Variants in INTS11 observed in about 807,000 individuals in gnomAD.
The protein encoded by INTS11 is CPSF3-like protein.
Under a neutral mutation model 78.6 loss-of-function variants are expected in INTS11, and 77 were observed. The observed-to-expected ratio is 0.98, with a 90% CI of 0.81 to 1.18. INTS11 has a LOEUF of 1.18. Ranked by LOEUF, INTS11 falls within the 50% of genes most tolerant of loss-of-function variation. INTS11 has a pLI of 0.00. For synonymous variants in INTS11, 441 were observed against 326.9 expected (o/e 1.35, Z -3.77); for missense variants, 875 against 825.9 (o/e 1.06, Z -0.73).
intron 10 of INTS11, 138 bp downstream of exon 10, chr1:1,313,370 GC>G: frequency 2.0e-6 from 2 of 1,013,384 alleles, no homozygotes; most frequent in Non-Finnish European, 1.5e-6. Context: ...GGCGGACATC[GC>G]CCCCGTTCCC....
At chr1:1,322,377 AT>A (rs1642997750) in intron 1 of INTS11, among the ~76,000 whole-genome samples, 2 of 150,592 alleles carry the variant, frequency 1.3e-5, no homozygotes, top group African/African-American at 4.9e-5. Context: ...AGGAGGAGAT[AT>A]CCCTGTCAGC....
rs1158023735 is a variant in INTS11 at position 1,311,649 on chromosome 1, A to G, written c.*210T>C. On this transcript the variant is annotated 3_prime_UTR_variant, in exon 17 of 17. Coordinates refer to ENST00000435064, the MANE Select transcript of INTS11 (RefSeq NM_017871.6). Reference sequence around the variant, plus strand: ...ACTGCTGTCTAGGACCACCTGCCCTAACCAGGAATAAAGGCAAGACAGCCT... The same window carrying G: ...ACTGCTGTCTAGGACCACCTGCCCTGACCAGGAATAAAGGCAAGACAGCCT... 2.8e-6 allele frequency: 2 copies of G among 709,918 alleles called. No homozygotes were observed. The highest frequency in any genetic ancestry group is 1.5e-5 in the South Asian group (1 of 66,176). 44.0% of individuals were successfully genotyped at this position (709,918 alleles called of 1,614,324 possible).
chr1:1,320,010 C>T (rs1193963797), intron 3 of INTS11: 1 of 128,738 alleles, frequency 7.8e-6, no homozygotes, highest in South Asian at 1.2e-4. Context: ...CCAGGCTTCA[C>T]GGGCCTGGCT....
At position 1,319,536 on chromosome 1, in the gene INTS11, C is replaced by A; in HGVS notation, c.201-12G>T. 1 of 1,547,394 alleles carries A rather than the reference C, an allele frequency of 6.5e-7. No individual in the cohort carries two copies. Among genetic ancestry groups the A allele is most frequent in the Non-Finnish European group, 8.8e-7 (1 of 1,141,816 alleles). The stretch of plus-strand genomic sequence containing the variant: ...CCAGGTGGAAGTGGCTAGGGGGACG[C>A]AGCACAGGTCAGCCTGGGCCCACCC... On this transcript the variant is annotated splice_polypyrimidine_tract_variant and intron_variant, in intron 3 of 16. Transcript: ENST00000435064.
In INTS11 at chr1:1,312,206, G is replaced by GGGT; in HGVS notation, c.1607+19_1607+20insACC. 1.7e-6 allele frequency: 2 copies of GGGT among 1,161,216 alleles called. 1 individual carries two copies. Among genetic ancestry groups the GGGT allele is most frequent in the Non-Finnish European group, 2.4e-6 (2 of 826,256 alleles). The allele number at this position is 1,161,216 out of a possible 1,614,324, so 71.9% of individuals were successfully genotyped here. A position where few individuals can be genotyped will look rare whatever the true frequency, so the allele number is the denominator to read the frequency against. ...TCCAGGGCCCAAGGGAGTGGGGGGG[G>GGGT]GGCGGGGCCGGGCGCCCACCTCTTG... On this transcript the variant is annotated intron_variant, in intron 15 of 16. Transcript: ENST00000435064.
In INTS11 at chr1:1,314,181, C is replaced by T. The variant is rs1642430664; in HGVS notation, c.767+120G>A. On this transcript the variant is annotated intron_variant, in intron 8 of 16. Coordinates refer to ENST00000435064, the MANE Select transcript of INTS11 (RefSeq NM_017871.6). The surrounding 1 kb of genome is among the most constrained non-coding windows in gnomAD (Gnocchi z 4.2). ...GGTCACACAGCACACGAGCGGCCCC[C>T]CAGGACAGCAGCAAGCAGGGCCAAG... 5 of 1,013,874 alleles carry T rather than the reference C, an allele frequency of 4.9e-6. No homozygotes were observed. In the East Asian group the frequency reaches 1.3e-4, roughly 26 times the overall value. The allele number at this position is 1,013,874 out of a possible 1,614,324, so 62.8% of individuals were successfully genotyped here.
intron 3 of INTS11, 123 bp from the exon 4 acceptor site, chr1:1,319,647 C>G: frequency 1.5e-6 from 1 of 653,210 alleles, no homozygotes; most frequent in Non-Finnish European, 2.6e-6. Flanking sequence ...TCCCGAGTAC[C>G]GAAGAGTCAG....
chr1:1,318,945 G>C, intron 4 of INTS11: 1 of 717,122 alleles, frequency 1.4e-6, no homozygotes, highest in Non-Finnish European at 2.6e-6. Context: ...TCCCTGCCCG[G>C]CAACACCCCG....
chr1:1,314,922 T>C lies in INTS11; in HGVS notation c.604A>G (p.Thr202Ala). The C allele has an allele frequency of 6.2e-7, 1 of 1,612,990 alleles. No individual in the cohort carries two copies. The highest frequency in any genetic ancestry group is 8.5e-7 in the Non-Finnish European group (1 of 1,179,916). The change falls in exon 7 of 17, where the codon ACA becomes GCA. Residue 202 changes from threonine (T) to alanine (A), a missense_variant. Thr to Ala is a moderately conservative substitution (Grantham distance 58). Transcript: ENST00000435064. The surrounding 1 kb of genome is among the most constrained non-coding windows in gnomAD (Gnocchi z 4.2). ...ATGGTCGTGGCGTACGTGGACTCTG[T>C]GATGAGCAGGTTGGGGCGGCACTTG... Reference protein sequence around the residue: ...IDKCRPNLLITESTYATTIRD... With the variant: ...IDKCRPNLLIAESTYATTIRD...
intron 6 of INTS11, 41 bp downstream of exon 6, chr1:1,315,363 A>AG (rs760710944): frequency 5.0e-6 from 8 of 1,612,258 alleles, no homozygotes; most frequent in East Asian, 2.2e-5. Flanking sequence ...CCTGAGCTCC[A>AG]GGGGGGCCCA....
intron 1 of INTS11, chr1:1,321,962 CG>C: frequency 2.3e-6 from 3 of 1,286,602 alleles, no homozygotes; most frequent in Non-Finnish European, 3.0e-6. Flanking sequence ...ATCAGGATGA[CG>C]GGGCCACAGC....
chr1:1,312,519 G>A lies in INTS11; in HGVS notation c.1403-18C>T, dbSNP rs1173907345. 4 of 1,584,216 alleles carry A rather than the reference G, an allele frequency of 2.5e-6. No homozygotes were observed. The highest frequency in any genetic ancestry group is 3.4e-6 in the Non-Finnish European group (4 of 1,165,620). ...GAGCAGCCCTGCGGAGGAGGTGGCA[G>A]GAGCCATCAATGTGAGGGCCGCTCC... On this transcript the variant is annotated intron_variant, in intron 13 of 16. Coordinates refer to ENST00000435064, the MANE Select transcript of INTS11 (RefSeq NM_017871.6).
Position 1,313,547 on chromosome 1 carries a change from G to T in INTS11, c.1003C>A (p.Gln335Lys). Residue 335 changes from glutamine to lysine, a missense_variant, in exon 10 of 17, where the codon CAG (glutamine) becomes AAG (lysine). Transcript: ENST00000435064. ...PGMLHAGQSL[Q>K]IFRKWAGNEK... ...TTTCCGGCCCATTTCCGGAAGATCT[G>T]CAGGGACTGCCCAGCGTGCAGCATT... The T allele has an allele frequency of 6.2e-7, 1 of 1,613,016 alleles. No homozygotes were observed. Among genetic ancestry groups the T allele is most frequent in the Non-Finnish European group, 8.5e-7 (1 of 1,180,014 alleles).
At chr1:1,323,360 T>A (rs756527406) in intron 1 of INTS11, 25 of 1,474,250 alleles carry the variant, frequency 1.7e-5, no homozygotes, top group Non-Finnish European at 2.2e-5. Flanking sequence ...TCTGAGACCC[T>A]GGATTTTGAC....
intron 4 of INTS11, chr1:1,316,436 A>G (rs956999178): frequency 1.3e-5 from 2 of 152,164 alleles, no homozygotes; most frequent in Non-Finnish European, 2.9e-5. Flanking sequence ...TAAAAATACA[A>G]AAGTTAGCTG....
intron 1 of INTS11, chr1:1,322,752 CG>C (rs368160170): frequency 1.9e-3 from 437 of 226,958 alleles, no homozygotes; most frequent in East Asian, 5.4e-3. Flanking sequence ...GGACCGGCGG[CG>C]GGGGGGGTAG....
intron 4 of INTS11, chr1:1,319,031 C>T (rs536299394): frequency 6.7e-5 from 48 of 716,922 alleles, no homozygotes; most frequent in Admixed American, 1.8e-4. Context: ...ATTTCAATGC[C>T]GCTCGGACAG....
At position 1,314,667 on chromosome 1, in the gene INTS11, T is replaced by G; in HGVS notation, c.702+157A>C. The stretch of plus-strand genomic sequence containing the variant: ...CTCCCTAGGAAAGGGTCTCTGAGTT[T>G]TCCTCCTCAATGTTGAGCAAATCTT... On this transcript the variant is annotated intron_variant, in intron 7 of 16. Transcript: ENST00000435064. This position sits in a 1 kb window ranked among gnomAD's most constrained non-coding sequence, Gnocchi z 4.2. The G allele has an allele frequency of 2.1e-6, 2 of 967,684 alleles. No homozygotes were observed. The highest frequency in any genetic ancestry group is 5.0e-5 in the East Asian group (2 of 39,854). 59.9% of individuals were successfully genotyped at this position (967,684 alleles called of 1,614,324 possible).
At chr1:1,320,925 T>A (rs775166112) in intron 2 of INTS11, 71 bp downstream of exon 2, 40 of 1,359,656 alleles carry the variant, frequency 2.9e-5, no homozygotes, top group Non-Finnish European at 3.9e-5. Flanking sequence ...CTGTCCCGGC[T>A]CTGAGGCCCA....
Sources: allele counts gnomAD v4.1 joint callset (sites outside exome capture counted in the v4.1 genomes callset), GRCh38; gene constraint gnomAD v4.1.1; non-coding constraint Gnocchi (gnomAD v3.1); transcripts MANE v1.5; gene names NCBI Gene and HGNC (gene_info 2026-07-23, HGNC 2026-07-21).